The following DCAF6 variants were observed in gnomAD, a reference collection of about 807,000 sequenced individuals.
DCAF6 encodes DDB1- and CUL4-associated factor 6.
DCAF6 carries 54 observed loss-of-function variants against 125.1 expected under a neutral mutation model. The ratio of observed to expected loss-of-function variants is 0.43; its 90% CI spans 0.35 to 0.54. The LOEUF (loss-of-function observed/expected upper bound fraction) is 0.54. Among genes scored for constraint, DCAF6 ranks in the 20% least tolerant of loss-of-function variants. The probability of loss-of-function intolerance (pLI) is 0.01; values close to 1 mark genes in which losing one functional copy is unlikely to be tolerated. For missense variants in DCAF6, 934 were observed against 1,161.7 expected (o/e 0.80, Z 2.85); for synonymous variants, 371 against 390.4 (o/e 0.95, Z 0.58).
intron 1 of DCAF6, among the ~76,000 whole-genome samples, chr1:167,941,953 A>G (rs1024884146): frequency 6.6e-6 from 1 of 152,246 alleles, no homozygotes; most frequent in Admixed American, 6.5e-5. Context: ...CACCAGCAGT[A>G]TATGAGAGTT....
the DCAF6 span, among the ~76,000 whole-genome samples, chr1:167,907,827 G>T: frequency 6.6e-6 from 1 of 152,164 alleles, no homozygotes; most frequent in East Asian, 1.9e-4. Context: ...ATATCCTTGT[G>T]AGTAAAATAT....
chr1:168,057,466 A>G (rs1386478865), intron 17 of DCAF6, among the ~76,000 whole-genome samples: 1 of 152,196 alleles, frequency 6.6e-6, no homozygotes, highest in Non-Finnish European at 1.5e-5. Context: ...CATCCTTCAG[A>G]TTTACTCTTT....
At chr1:167,943,131 G>A (rs888360867) in intron 1 of DCAF6, among the ~76,000 whole-genome samples, 2 of 152,106 alleles carry the variant, frequency 1.3e-5, no homozygotes, top group Admixed American at 1.3e-4. Context: ...GGATGGTCTC[G>A]ATCTCCTGAC....
Position 168,055,360 on chromosome 1 carries a change from T to A in DCAF6, c.2300+4427T>A, listed in dbSNP as rs1245602494. Among the ~76,000 whole-genome samples, 5 of 46,342 alleles carry A rather than the reference T, an allele frequency of 1.1e-4. 1 individual carries two copies. Among genetic ancestry groups the A allele is most frequent in the Admixed American group, 6.3e-4 (2 of 3,162 alleles). The allele number at this position is 46,342 out of a possible 152,430, so 30.4% of individuals were successfully genotyped here. On this transcript the variant is annotated intron_variant, in intron 17 of 21. Coordinates refer to ENST00000367840, the MANE Select transcript of DCAF6 (RefSeq NM_001198956.2). Reference sequence around the variant, plus strand: ...TTTTTTTTTTTTTTTTTTTTTTTTTTAACGAAGAAGTATTTTATTATTTTG... The same window carrying A: ...TTTTTTTTTTTTTTTTTTTTTTTTTAAACGAAGAAGTATTTTATTATTTTG...
At chr1:167,952,665 G>A (rs185470289) in intron 2 of DCAF6, among the ~76,000 whole-genome samples, 5 of 152,180 alleles carry the variant, frequency 3.3e-5, no homozygotes, top group South Asian at 2.1e-4. Context: ...TTGGTTGCAC[G>A]AAGACCCTGT....
intron 1 of DCAF6, among the ~76,000 whole-genome samples, chr1:167,938,185 C>T (rs1671631584): frequency 6.6e-6 from 1 of 152,176 alleles, no homozygotes; most frequent in African/African-American, 2.4e-5. Flanking sequence ...ATAATATTTT[C>T]TGTTTTCTGA....
At chr1:167,982,947 A>G (rs1453611011) in intron 4 of DCAF6, among the ~76,000 whole-genome samples, 6 of 151,836 alleles carry the variant, frequency 4.0e-5, no homozygotes, top group East Asian at 1.9e-4. Context: ...ATTTTTGTCA[A>G]CTTTGTCGAA....
rs1228009987 is a variant in DCAF6, at chr1:168,044,979, T to G, written c.2010T>G (p.Cys670Trp). Residue 670 changes from cysteine to tryptophan, a missense_variant, in exon 16 of 22, where the codon TGT (cysteine) becomes TGG (tryptophan). By Grantham distance (215) the Cys-to-Trp change is radical. Around this residue, in one of 5 missense-constraint regions of DCAF6, gnomAD observed 559 missense variants for 635.5 expected, o/e 0.88. Transcript: ENST00000367840. ...ATGACCTCAATCTTGATCGCTCTTG[T>G]GGGGTTCCAGAAGAATCTGCTTCAT... ...ERNDLNLDRS[C>W]GVPEESASSE... is the part of the protein sequence containing the mutation. The G allele has an allele frequency of 6.2e-7, 1 of 1,614,144 alleles. No individual in the cohort carries two copies. Among genetic ancestry groups the G allele is most frequent in the East Asian group, 2.2e-5 (1 of 44,882 alleles).
intron 12 of DCAF6, among the ~76,000 whole-genome samples, chr1:168,034,189 C>G (rs982474623): frequency 6.6e-6 from 1 of 152,092 alleles, no homozygotes; most frequent in Non-Finnish European, 1.5e-5. Context: ...CAGATTATTT[C>G]TAAGATTGTA....
chr1:167,908,890 G>A, the DCAF6 span, among the ~76,000 whole-genome samples: 20,779 of 152,202 alleles, frequency 0.14, 1,887 homozygotes, highest in African/African-American at 0.26. Flanking sequence ...CTGCAAATTA[G>A]TGCTATCTTT....
At chr1:167,879,378 T>C in the DCAF6 span, among the ~76,000 whole-genome samples, 12 of 152,204 alleles carry the variant, frequency 7.9e-5, no homozygotes, top group Admixed American at 7.9e-4. Flanking sequence ...GTAGCAAATG[T>C]GTCACTTTAA....
intron 1 of DCAF6, among the ~76,000 whole-genome samples, chr1:167,943,662 C>T (rs991710807): frequency 6.6e-6 from 1 of 152,160 alleles, no homozygotes; most frequent in African/African-American, 2.4e-5. Context: ...TCTCATCATC[C>T]TCCCACCTCC....
chr1:167,880,132 A>G, the DCAF6 span: 27 of 1,612,430 alleles, frequency 1.7e-5, no homozygotes, highest in Non-Finnish European at 2.0e-5. Flanking sequence ...CTCGTGTCTC[A>G]CAGTGTGTCC....
At chr1:167,898,619 G>T in the DCAF6 span, among the ~76,000 whole-genome samples, 2 of 151,230 alleles carry the variant, frequency 1.3e-5, no homozygotes, top group Non-Finnish European at 2.9e-5. Flanking sequence ...AAAAAAGAAT[G>T]ATTGAAGAGC....
intron 10 of DCAF6, among the ~76,000 whole-genome samples, chr1:168,009,390 T>TTC: frequency 6.4e-4 from 69 of 108,054 alleles, no homozygotes; most frequent in African/African-American, 2.6e-3. Context: ...TTCCTTCCTT[T>TTC]CTTTCTTTCT....
chr1:167,903,366 C>A, the DCAF6 span, among the ~76,000 whole-genome samples: 1 of 152,226 alleles, frequency 6.6e-6, no homozygotes, highest in East Asian at 1.9e-4. Context: ...GAGTTTGAGA[C>A]CAGCCTGGCC....
Position 168,075,637 on chromosome 1 carries a change from T to C in DCAF6, c.*202T>C. Reference sequence around the variant, plus strand: ...GTATAAAACAAAACTAGCAGAATGTTTTTAAAACTTTTTGCCGTGTATGAG... The same window carrying C: ...GTATAAAACAAAACTAGCAGAATGTCTTTAAAACTTTTTGCCGTGTATGAG... On this transcript the variant is annotated 3_prime_UTR_variant, in exon 22 of 22. Coordinates refer to ENST00000367840, the MANE Select transcript of DCAF6 (RefSeq NM_001198956.2). 2.1e-6 allele frequency: 1 copy of C among 484,364 alleles called. No homozygotes were observed. Among genetic ancestry groups the C allele is most frequent in the Non-Finnish European group, 3.6e-6 (1 of 278,736 alleles). 30.0% of individuals were successfully genotyped at this position (484,364 alleles called of 1,614,324 possible).
intron 1 of DCAF6, 77 bp downstream of exon 1, chr1:167,937,085 G>A: frequency 7.6e-7 from 1 of 1,322,002 alleles, no homozygotes; most frequent in Non-Finnish European, 1.1e-6. Flanking sequence ...CGGGTCTGTT[G>A]GAGGTGGGAC....
chr1:167,941,022 G>C (rs1290583617), intron 1 of DCAF6, among the ~76,000 whole-genome samples: 3 of 152,016 alleles, frequency 2.0e-5, no homozygotes, highest in African/African-American at 7.3e-5. Context: ...AGTGCATCTT[G>C]AATACATCTG....
Sources: gnomAD v4.1 joint callset for allele counts (sites outside exome capture counted in the v4.1 genomes callset) on GRCh38, gnomAD v4.1.1 for gene constraint, gnomAD v4.1.1 regional missense constraint, MANE v1.5 for transcripts, NCBI Gene and HGNC (gene_info 2026-07-23, HGNC 2026-07-21) for gene names.